GALNT10: variants seen among roughly 807,000 people sequenced by gnomAD.
The protein encoded by GALNT10 is polypeptide N-acetylgalactosaminyltransferase 10.
A neutral mutation model predicts 75.0 loss-of-function variants in GALNT10; 41 were observed. That is an observed-to-expected ratio of 0.55 (90% confidence interval 0.43 to 0.71). GALNT10 has a LOEUF of 0.71. Ranked by LOEUF, GALNT10 falls within the 30% of genes least tolerant of loss-of-function variation. The pLI is 0.00. For synonymous variants in GALNT10, 302 were observed against 313.0 expected, an observed-to-expected ratio of 0.96 and a Z score of 0.37; for missense variants, 727 against 818.5, an observed-to-expected ratio of 0.89 and a Z score of 1.36.
chr5:154,212,652 A>G (rs1752782382), intron 1 of GALNT10, among the ~76,000 whole-genome samples: 2 of 152,238 alleles, frequency 1.3e-5, no homozygotes, highest in Non-Finnish European at 2.9e-5. Flanking sequence ...AGTGAGTTAC[A>G]GCTTGTAAGT....
rs138449388 is a variant in GALNT10, at chr5:154,329,686, G to A, written c.516G>A (p.Ser172=). ...CCGTCCACAGTGTGCTCAATCGCTC[G>A]CCTCCAGAGCTGGTCGCCGAGATTG... ...LRTVHSVLNR[S]PPELVAEIVL... is the part of the protein sequence containing the mutation. The change falls in exon 4 of 12, where the codon TCG becomes TCA. Residue 172 remains serine (S), a synonymous_variant. Transcript: ENST00000297107. 386 of 1,613,464 alleles carry A rather than the reference G, an allele frequency of 2.4e-4. 1 individual carries two copies. The highest frequency in any genetic ancestry group is 1.7e-4 in the Admixed American group (10 of 59,994).
intron 1 of GALNT10, among the ~76,000 whole-genome samples, chr5:154,195,829 A>G (rs1302586070): frequency 6.6e-6 from 1 of 152,208 alleles, no homozygotes; most frequent in Admixed American, 6.5e-5. Context: ...CCACTGCTTA[A>G]TGAGACCAAT....
chr5:154,246,387 G>C (rs1753423943), intron 1 of GALNT10, among the ~76,000 whole-genome samples: 1 of 152,320 alleles, frequency 6.6e-6, no homozygotes, highest in African/African-American at 2.4e-5. Flanking sequence ...TCGCCACACT[G>C]TCTTCCACAA....
chr5:154,272,089 C>T (rs1178985694), intron 1 of GALNT10, among the ~76,000 whole-genome samples: 1 of 152,138 alleles, frequency 6.6e-6, no homozygotes, highest in African/African-American at 2.4e-5. Context: ...GAATGAGCCT[C>T]TTCTGTCCCA....
intron 1 of GALNT10, among the ~76,000 whole-genome samples, chr5:154,247,027 T>C (rs1248422112): frequency 6.6e-6 from 1 of 152,230 alleles, no homozygotes; most frequent in Non-Finnish European, 1.5e-5. Context: ...TTTCTCCATA[T>C]GGCTAGCCAG....
At position 154,217,193 on chromosome 5, in the gene GALNT10, C is replaced by G. The variant is rs561315166; in HGVS notation, c.159+26168C>G. Among the ~76,000 whole-genome samples, 4 of 152,298 alleles carry G rather than the reference C, an allele frequency of 2.6e-5. No homozygotes were observed. The South Asian group carries it at 8.3e-4, about 32-fold the overall frequency. ...CCTTTCACTAGATCTCTTTTCCACC[C>G]TCTCCGTCTGTCTGGGTAGACCTCT... On this transcript the variant is annotated intron_variant, in intron 1 of 11. Coordinates refer to ENST00000297107, the MANE Select transcript of GALNT10 (RefSeq NM_198321.4).
intron 1 of GALNT10, among the ~76,000 whole-genome samples, chr5:154,210,303 T>A (rs1282197396): frequency 6.6e-6 from 1 of 152,152 alleles, no homozygotes; most frequent in Non-Finnish European, 1.5e-5. Flanking sequence ...TCTCATTACA[T>A]GGAGCACTCT....
chr5:154,386,182 TG>T, intron 6 of GALNT10, 130 bp from the exon 7 acceptor site: 1 of 669,152 alleles, frequency 1.5e-6, no homozygotes, highest in Non-Finnish European at 2.6e-6. Flanking sequence ...TTGGATTCCC[TG>T]GAAGACACTT....
At chr5:154,264,569 C>G (rs138859717) in intron 1 of GALNT10, among the ~76,000 whole-genome samples, 44 of 152,074 alleles carry the variant, frequency 2.9e-4, no homozygotes, top group Non-Finnish European at 5.7e-4. Flanking sequence ...TATTAACAAT[C>G]GGTAAATCTT....
chr5:154,259,065 CTT>C (rs1345098869), intron 1 of GALNT10, among the ~76,000 whole-genome samples: 1 of 152,118 alleles, frequency 6.6e-6, no homozygotes, highest in African/African-American at 2.4e-5. Context: ...ATATTATTAA[CTT>C]ATATACCGAT....
At chr5:154,337,672 C>G in intron 4 of GALNT10, 1 of 1,054,080 alleles carries the variant, frequency 9.5e-7, no homozygotes, top group Non-Finnish European at 1.5e-6. Context: ...CCTCCAGAAT[C>G]GCTTCCATCA....
intron 6 of GALNT10, among the ~76,000 whole-genome samples, chr5:154,382,679 G>C (rs1000597017): frequency 4.6e-5 from 7 of 152,236 alleles, no homozygotes; most frequent in African/African-American, 1.7e-4. Context: ...GCTGAGGTTA[G>C]AATAGGCTGC....
chr5:154,330,295 C>T (rs950491176), intron 4 of GALNT10, among the ~76,000 whole-genome samples: 1 of 152,232 alleles, frequency 6.6e-6, no homozygotes, highest in African/African-American at 2.4e-5. Context: ...TCTCTGACAT[C>T]TGGGCACCCC....
At chr5:154,249,805 T>C (rs1258799516) in intron 1 of GALNT10, among the ~76,000 whole-genome samples, 1 of 152,160 alleles carries the variant, frequency 6.6e-6, no homozygotes, top group African/African-American at 2.4e-5. Context: ...ATGGTCTGAG[T>C]ATTGCCTTTG....
chr5:154,209,970 C>A (rs1775169845), intron 1 of GALNT10, among the ~76,000 whole-genome samples: 1 of 152,102 alleles, frequency 6.6e-6, no homozygotes, highest in African/African-American at 2.4e-5. Context: ...AGCCTCATGT[C>A]TATTCAAGTC....
rs5872378 is a variant in GALNT10 at position 154,396,201 on chromosome 5, TATGAATGA to T, written c.1057-7880_1057-7873del. Among the ~76,000 whole-genome samples, 147 of 151,158 alleles carry T rather than the reference TATGAATGA, an allele frequency of 9.7e-4. 1 individual carries two copies. In the East Asian group the frequency reaches 0.026, roughly 27 times the overall value. ...AAACCTGACCAATGACCAGATCATG[TATGAATGA>T]ATGAATGAATGAATGAATGAATTAG... On this transcript the variant is annotated intron_variant, in intron 7 of 11. Coordinates refer to ENST00000297107, the MANE Select transcript of GALNT10 (RefSeq NM_198321.4).
At chr5:154,268,140 T>C (rs1288699123) in intron 1 of GALNT10, among the ~76,000 whole-genome samples, 2 of 152,134 alleles carry the variant, frequency 1.3e-5, no homozygotes, top group Non-Finnish European at 2.9e-5. Flanking sequence ...GGTCAGATGG[T>C]ACATACAATT....
chr5:154,346,105 CT>C (rs1755120004), intron 4 of GALNT10, among the ~76,000 whole-genome samples: 1 of 150,732 alleles, frequency 6.6e-6, no homozygotes, highest in Admixed American at 6.6e-5. Flanking sequence ...TGGCTATTTC[CT>C]TCTTTTTTAA....
rs138763801 is a variant in GALNT10, at chr5:154,371,944, C to G, written c.569-4333C>G. 6.6e-5 allele frequency among the ~76,000 whole-genome samples: 10 copies of G among 152,282 alleles called. No individual in the cohort carries two copies. In the East Asian group the frequency reaches 1.7e-3, roughly 26 times the overall value. ...TCTTACAGCTTGGTGGTTACAAGTA[C>G]AGACTCCATTCGCTTCCAAATCATC... On this transcript the variant is annotated intron_variant, in intron 4 of 11. Transcript: ENST00000297107.
Sources: gnomAD v4.1 joint callset for allele counts (sites outside exome capture counted in the v4.1 genomes callset) on GRCh38, gnomAD v4.1.1 for gene constraint, MANE v1.5 for transcripts, NCBI Gene and HGNC (gene_info 2026-07-23, HGNC 2026-07-21) for gene names.